Variants in ZFHX4 observed in about 807,000 individuals in gnomAD.
ZFHX4 encodes zinc finger homeobox 4, also known as zinc finger homeobox protein 4.
ZFHX4 carries 56 observed loss-of-function variants against 267.6 expected under a neutral mutation model. That is an observed-to-expected ratio of 0.21 (90% CI 0.17 to 0.26). The LOEUF is 0.26. Among genes scored for constraint, ZFHX4 ranks in the 10% least tolerant of loss-of-function variants. The pLI, the probability that ZFHX4 is intolerant of heterozygous loss-of-function variation, is 1.00. For synonymous variants in ZFHX4, 1,778 were observed against 1,665.6 expected (o/e 1.07, Z -1.64); for missense variants, 4,332 against 4,420.0 (o/e 0.98, Z 0.56).
chr8:76,841,460 T>C (rs547891608), intron 5 of ZFHX4, among the ~76,000 whole-genome samples: 2 of 152,316 alleles, frequency 1.3e-5, no homozygotes, highest in African/African-American at 4.8e-5. Context: ...TGTGTAATTT[T>C]CAGTTAATGC....
intron 3 of ZFHX4, among the ~76,000 whole-genome samples, chr8:76,774,060 C>T (rs1391051616): frequency 6.6e-6 from 1 of 152,088 alleles, no homozygotes; most frequent in Admixed American, 6.6e-5. Flanking sequence ...AGACTCTAGT[C>T]CAAATTCTGG....
intron 3 of ZFHX4, among the ~76,000 whole-genome samples, chr8:76,716,926 A>G (rs1010341829): frequency 2.6e-5 from 4 of 152,190 alleles, no homozygotes; most frequent in African/African-American, 9.7e-5. Context: ...TTGCAAGTTA[A>G]GCACCTTTGG....
chr8:76,842,844 C>T (rs1050033883), intron 6 of ZFHX4, 73 bp downstream of exon 6: 1 of 1,020,892 alleles, frequency 9.8e-7, no homozygotes, highest in South Asian at 1.6e-5. Flanking sequence ...CCTTCACCAT[C>T]CCCCCACCCC....
chr8:76,747,362 A>G (rs181076675), intron 3 of ZFHX4, among the ~76,000 whole-genome samples: 1 of 152,246 alleles, frequency 6.6e-6, no homozygotes, highest in East Asian at 1.9e-4. Flanking sequence ...AGTACAAATG[A>G]TGTCACCATC....
intron 3 of ZFHX4, among the ~76,000 whole-genome samples, chr8:76,763,515 C>T (rs765286139): frequency 6.6e-6 from 1 of 152,016 alleles, no homozygotes; most frequent in Non-Finnish European, 1.5e-5. Context: ...CCCAGCTACT[C>T]AGGTGGCTGA....
Position 76,851,797 on chromosome 8 carries a change from C to A in ZFHX4, c.4876C>A (p.Leu1626Met). 2 of 1,613,972 alleles carry A rather than the reference C, an allele frequency of 1.2e-6. No homozygotes were observed. The highest frequency in any genetic ancestry group is 1.7e-6 in the Non-Finnish European group (2 of 1,179,874). Residue 1626 changes from leucine to methionine, a missense_variant, in exon 10 of 11, where the codon CTG (leucine) becomes ATG (methionine). Leu to Met is a conservative substitution (Grantham distance 15, BLOSUM62 2). This residue lies in a region of ZFHX4 where 1,371 missense variants were observed against 1,423.1 expected (regional missense o/e 0.96). Coordinates refer to ENST00000651372, the MANE Select transcript of ZFHX4 (RefSeq NM_024721.5). ...CCAGACAAAGGCTAGGGCTGCAAAG[C>A]TGGAGCCCAGTGGTCATGTGGCTGG... ...LHQTKARAAK[L>M]EPSGHVAGGH...
At chr8:76,736,105 G>A (rs1809151798) in intron 3 of ZFHX4, among the ~76,000 whole-genome samples, 1 of 151,268 alleles carries the variant, frequency 6.6e-6, no homozygotes, top group Admixed American at 6.6e-5. Context: ...TTATCCTTCT[G>A]TCTTAGTGGA....
intron 3 of ZFHX4, among the ~76,000 whole-genome samples, chr8:76,723,881 A>ACC: frequency 6.6e-6 from 1 of 152,216 alleles, no homozygotes; most frequent in South Asian, 2.1e-4. Context: ...TTTGAATGGG[A>ACC]ACATGCATTG....
intron 3 of ZFHX4, among the ~76,000 whole-genome samples, chr8:76,765,124 C>T (rs555192061): frequency 2.0e-5 from 3 of 152,210 alleles, no homozygotes; most frequent in African/African-American, 4.8e-5. Context: ...TTTGGAACTG[C>T]CTGGGCACTT....
At chr8:76,810,998 G>C (rs577310921) in intron 4 of ZFHX4, among the ~76,000 whole-genome samples, 3 of 152,062 alleles carry the variant, frequency 2.0e-5, no homozygotes, top group African/African-American at 7.2e-5. Context: ...GAATGAGCCC[G>C]ACGCTCTGCT....
At chr8:76,835,790 T>C (rs1812078113) in intron 5 of ZFHX4, among the ~76,000 whole-genome samples, 1 of 152,054 alleles carries the variant, frequency 6.6e-6, no homozygotes, top group Non-Finnish European at 1.5e-5. Context: ...TAAAAACAGA[T>C]TACTTCCTGT....
intron 3 of ZFHX4, among the ~76,000 whole-genome samples, chr8:76,740,414 G>A (rs1406985279): frequency 6.6e-6 from 1 of 151,878 alleles, no homozygotes; most frequent in South Asian, 2.1e-4. Context: ...TGGGAGATGG[G>A]TGCACCAGAA....
intron 5 of ZFHX4, among the ~76,000 whole-genome samples, chr8:76,839,496 T>C (rs1489049144): frequency 6.6e-6 from 1 of 152,164 alleles, no homozygotes; most frequent in Non-Finnish European, 1.5e-5. Flanking sequence ...TATAAACATA[T>C]CATAAAGATT....
intron 1 of ZFHX4, among the ~76,000 whole-genome samples, chr8:76,698,715 G>A (rs551592874): frequency 3.3e-5 from 5 of 152,190 alleles, no homozygotes; most frequent in African/African-American, 1.2e-4. Context: ...AAACGACTTA[G>A]TTGGCTCACA....
At position 76,781,538 on chromosome 8, in the gene ZFHX4, T is replaced by TTTG. The variant is rs1810546934; in HGVS notation, c.3325+3100_3325+3101insTGT. 2.0e-5 allele frequency among the ~76,000 whole-genome samples: 3 copies of TTTG among 152,220 alleles called. No homozygotes were observed. In the East Asian group the frequency reaches 5.8e-4, roughly 29 times the overall value. Reference sequence around the variant, plus strand: ...TACAAGCCTGGTTCTTAAACTGGGTTTCTTAACTTTTCATTTGATTTTGTT... The same window carrying TTTG: ...TACAAGCCTGGTTCTTAAACTGGGTTTTGTCTTAACTTTTCATTTGATTTTGTT... On this transcript the variant is annotated intron_variant, in intron 4 of 10. Coordinates refer to ENST00000651372, the MANE Select transcript of ZFHX4 (RefSeq NM_024721.5).
intron 1 of ZFHX4, among the ~76,000 whole-genome samples, chr8:76,702,098 A>T (rs1376120455): frequency 1.3e-5 from 2 of 152,182 alleles, no homozygotes; most frequent in Admixed American, 6.5e-5. Flanking sequence ...GAAAATTATT[A>T]GGTTTTCTTA....
rs1246611426 is a variant in ZFHX4 at position 76,706,518 on chromosome 8, C to T, written c.2430C>T (p.His810=). ...QNMKQIQHNL[H]LGLAPAEAEL... ...TGAAGCAGATCCAGCATAATCTGCA[C>T]TTGGGCCTCGCCCCGGCGGAAGCAG... Residue 810 remains histidine, a synonymous_variant, in exon 2 of 11, where the codon CAC becomes CAT. Transcript: ENST00000651372. 1.2e-6 allele frequency: 2 copies of T among 1,613,732 alleles called. No homozygotes were observed. Among genetic ancestry groups the T allele is most frequent in the Admixed American group, 3.3e-5 (2 of 59,990 alleles).
intron 10 of ZFHX4, among the ~76,000 whole-genome samples, chr8:76,860,061 A>T (rs568552911): frequency 8.5e-5 from 13 of 152,168 alleles, no homozygotes; most frequent in Admixed American, 8.5e-4. Context: ...TAAAAGATAA[A>T]ATTTGACACG....
chr8:76,812,348 C>G (rs1357027542), intron 4 of ZFHX4, among the ~76,000 whole-genome samples: 1 of 152,108 alleles, frequency 6.6e-6, no homozygotes, highest in Non-Finnish European at 1.5e-5. Context: ...GCTTGTGATA[C>G]CTGGGGTGAA....
Sources: allele counts gnomAD v4.1 joint callset (sites outside exome capture counted in the v4.1 genomes callset), GRCh38; gene constraint gnomAD v4.1.1; regional missense constraint gnomAD v4.1.1; transcripts MANE v1.5; gene names NCBI Gene and HGNC (gene_info 2026-07-23, HGNC 2026-07-21).